MBNL2: variants seen among roughly 807,000 people sequenced by gnomAD.
The protein encoded by MBNL2 is muscleblind-like protein 2.
Under a neutral mutation model 41.9 loss-of-function variants are expected in MBNL2, and 17 were observed. The observed-to-expected ratio is 0.41, with a 90% CI of 0.28 to 0.61. The LOEUF (loss-of-function observed/expected upper bound fraction) is 0.61. Among genes scored for constraint, MBNL2 ranks in the 20% least tolerant of loss-of-function variants. The probability of loss-of-function intolerance (pLI) is 0.35; values close to 1 mark genes in which losing one functional copy is unlikely to be tolerated. For missense variants in MBNL2, 336 were observed against 505.6 expected, an observed-to-expected ratio of 0.66 and a Z score of 3.22; for synonymous variants, 195 against 182.9, an observed-to-expected ratio of 1.07 and a Z score of -0.53.
At chr13:97,271,227 T>G (rs1029757313) in intron 1 of MBNL2, among the ~76,000 whole-genome samples, 2 of 151,158 alleles carry the variant, frequency 1.3e-5, no homozygotes, top group African/African-American at 4.9e-5. Flanking sequence ...GCAATTCTCA[T>G]GCCTCAGCCT....
intron 2 of MBNL2, among the ~76,000 whole-genome samples, chr13:97,319,489 C>G (rs1464901356): frequency 6.6e-6 from 1 of 152,186 alleles, no homozygotes; most frequent in Non-Finnish European, 1.5e-5. Context: ...CTGTCCTCCT[C>G]CCTACCACTG....
chr13:97,334,049 C>T lies in MBNL2; in HGVS notation c.175-227C>T, dbSNP rs1417201992. 6.6e-6 allele frequency among the ~76,000 whole-genome samples: 1 copy of T among 151,596 alleles called. No individual in the cohort carries two copies. The highest frequency in any genetic ancestry group is 1.9e-4 in the East Asian group (1 of 5,158). On this transcript the variant is annotated intron_variant, in intron 2 of 8. Coordinates refer to ENST00000679496, the MANE Select transcript of MBNL2 (RefSeq NM_001382683.1). The surrounding 1 kb of genome is among the most constrained non-coding windows in gnomAD (Gnocchi z 5.3). The stretch of plus-strand genomic sequence containing the variant: ...GAGGGAGGGAAAAATCCTCAGGAAG[C>T]TTCTCTACTTAACATGTTCTTAAGA...
intron 4 of MBNL2, among the ~76,000 whole-genome samples, chr13:97,343,568 C>A (rs546804673): frequency 1.3e-5 from 2 of 152,268 alleles, no homozygotes; most frequent in South Asian, 4.1e-4. Context: ...GTAATCCTTG[C>A]AAGACCCTGG....
chr13:97,296,133 G>A (rs1263881147), intron 2 of MBNL2, among the ~76,000 whole-genome samples: 2 of 152,040 alleles, frequency 1.3e-5, no homozygotes, highest in African/African-American at 2.4e-5. Flanking sequence ...CTAAATAATT[G>A]AGACACTCAT....
the MBNL2 span, among the ~76,000 whole-genome samples, chr13:97,160,637 G>A: frequency 2.0e-5 from 3 of 151,984 alleles, no homozygotes; most frequent in Non-Finnish European, 2.9e-5. Flanking sequence ...CAGTTACATG[G>A]CTACTCATCG....
At chr13:97,276,815 G>T (rs1268547766) in intron 2 of MBNL2, among the ~76,000 whole-genome samples, 2 of 149,454 alleles carry the variant, frequency 1.3e-5, no homozygotes, top group Non-Finnish European at 3.0e-5. Context: ...TATTCTTATG[G>T]CTTTTTTTTT....
At chr13:97,155,219 AT>A in the MBNL2 span, among the ~76,000 whole-genome samples, 25 of 151,938 alleles carry the variant, frequency 1.6e-4, no homozygotes, top group African/African-American at 5.8e-4. Context: ...TATGTTTTCC[AT>A]TCTCTCATTC....
the MBNL2 span, among the ~76,000 whole-genome samples, chr13:97,143,758 A>G: frequency 2.6e-4 from 40 of 152,216 alleles, no homozygotes; most frequent in African/African-American, 9.6e-4. Context: ...ATATGTATAA[A>G]GTATAATGGG....
upstream of MBNL2, among the ~76,000 whole-genome samples, chr13:97,217,236 A>T (rs2040458210): frequency 6.6e-6 from 1 of 151,890 alleles, no homozygotes; most frequent in Non-Finnish European, 1.5e-5. Context: ...TTATCACCTT[A>T]TTACCAGTGC....
the MBNL2 span, among the ~76,000 whole-genome samples, chr13:97,188,581 G>C: frequency 2.6e-5 from 4 of 151,638 alleles, no homozygotes; most frequent in Non-Finnish European, 5.9e-5. Flanking sequence ...ACATCTGCAC[G>C]TGTCTGATGC....
intron 1 of MBNL2, among the ~76,000 whole-genome samples, chr13:97,242,793 C>T (rs911570177): frequency 5.3e-5 from 8 of 151,000 alleles, no homozygotes; most frequent in African/African-American, 1.7e-4. Flanking sequence ...CCCTCCTGTA[C>T]GTTGCTTGAT....
At chr13:97,348,759 CTT>C (rs771144062) in intron 5 of MBNL2, among the ~76,000 whole-genome samples, 7 of 152,186 alleles carry the variant, frequency 4.6e-5, no homozygotes, top group African/African-American at 1.7e-4. Flanking sequence ...TTTGAAAACA[CTT>C]TGTTCTAGTT....
intron 2 of MBNL2, among the ~76,000 whole-genome samples, chr13:97,303,567 C>T (rs893861059): frequency 6.6e-6 from 1 of 152,190 alleles, no homozygotes; most frequent in African/African-American, 2.4e-5. Context: ...TATTTTGGAT[C>T]GTTTCAAATT....
At chr13:97,159,740 C>T in the MBNL2 span, among the ~76,000 whole-genome samples, 1 of 151,498 alleles carries the variant, frequency 6.6e-6, no homozygotes, top group Non-Finnish European at 1.5e-5. Flanking sequence ...TCTCTTCTGG[C>T]TTGTAGGGTT....
At chr13:97,160,751 T>C in the MBNL2 span, among the ~76,000 whole-genome samples, 2 of 152,340 alleles carry the variant, frequency 1.3e-5, no homozygotes, top group African/African-American at 4.8e-5. Context: ...TCCAAACTTG[T>C]TCTTATTAGC....
At chr13:97,235,737 T>C (rs1167094005) in intron 1 of MBNL2, among the ~76,000 whole-genome samples, 1 of 152,136 alleles carries the variant, frequency 6.6e-6, no homozygotes, top group Non-Finnish European at 1.5e-5. Context: ...TGTGGCTCCT[T>C]CCTCCCTCCC....
chr13:97,244,163 G>A (rs2044942297), intron 1 of MBNL2, among the ~76,000 whole-genome samples: 1 of 152,198 alleles, frequency 6.6e-6, no homozygotes, highest in African/African-American at 2.4e-5. Flanking sequence ...AGACATGCTT[G>A]TAAAATTCCA....
At chr13:97,339,919 C>G (rs1028717592) in intron 3 of MBNL2, among the ~76,000 whole-genome samples, 1 of 144,282 alleles carries the variant, frequency 6.9e-6, no homozygotes. Flanking sequence ...AAATAACCAA[C>G]AAAATCTAGT....
intron 2 of MBNL2, among the ~76,000 whole-genome samples, chr13:97,328,104 A>G (rs926598289): frequency 1.3e-5 from 2 of 151,932 alleles, no homozygotes; most frequent in African/African-American, 4.8e-5. Context: ...CACTTGCCCA[A>G]GGTGCCCAAG....
Sources: allele counts gnomAD v4.1 joint callset (sites outside exome capture counted in the v4.1 genomes callset), GRCh38; gene constraint gnomAD v4.1.1; non-coding constraint Gnocchi (gnomAD v3.1); transcripts MANE v1.5; gene names NCBI Gene and HGNC (gene_info 2026-07-23, HGNC 2026-07-21).